Variants in ZMYM2 observed in about 807,000 individuals in gnomAD.
The protein encoded by ZMYM2 is zinc finger MYM-type protein 2.
Under a neutral mutation model 162.8 loss-of-function variants are expected in ZMYM2, and 56 were observed. The observed-to-expected ratio is 0.34, with a 90% CI of 0.28 to 0.43. The LOEUF (loss-of-function observed/expected upper bound fraction) is 0.43. Ranked by LOEUF, ZMYM2 falls within the 20% of genes least tolerant of loss-of-function variation. The probability of loss-of-function intolerance (pLI) is 1.00; values close to 1 mark genes in which losing one functional copy is unlikely to be tolerated. For missense variants in ZMYM2, 1,275 were observed against 1,621.8 expected (o/e 0.79, Z 3.67); for synonymous variants, 510 against 541.6 (o/e 0.94, Z 0.81).
chr13:19,968,361 A>G (rs1433274635), intron 2 of ZMYM2, among the ~76,000 whole-genome samples: 2 of 151,566 alleles, frequency 1.3e-5, no homozygotes, highest in East Asian at 1.9e-4. Flanking sequence ...TCCTGCCTCA[A>G]CCTCCCGAGT....
chr13:20,008,645 A>AT (rs1294519083), intron 6 of ZMYM2, among the ~76,000 whole-genome samples: 3 of 152,104 alleles, frequency 2.0e-5, no homozygotes, highest in Non-Finnish European at 4.4e-5. Context: ...CCAGATAATT[A>AT]TTTTTTCAAA....
the ZMYM2 span, among the ~76,000 whole-genome samples, chr13:19,927,179 G>A: frequency 6.6e-6 from 1 of 151,638 alleles, no homozygotes; most frequent in African/African-American, 2.4e-5. Context: ...TTGATAACAT[G>A]TATTTGTTAT....
Position 20,002,871 on chromosome 13 carries a change from C to T in ZMYM2, c.869C>T (p.Ala290Val), listed in dbSNP as rs1950496356. The change falls in exon 4 of 25, where the codon GCT becomes GTT. Residue 290 changes from alanine (A) to valine (V), a missense_variant. Ala to Val is a moderately conservative substitution (Grantham distance 64, BLOSUM62 0). This residue lies in a region of ZMYM2 where 115 missense variants were observed against 175.3 expected (regional missense o/e 0.66). Coordinates refer to ENST00000610343, the MANE Select transcript of ZMYM2 (RefSeq NM_197968.4). ...TAAGATTCTTGGATCTCCCAGTCAG[C>T]TTCATTTCCCCGTAATCAGAAACAA... ...HNPDSWISQS[A>V]SFPRNQKQPG... 1 of 1,613,698 alleles carries T rather than the reference C, an allele frequency of 6.2e-7. No homozygotes were observed. Among genetic ancestry groups the T allele is most frequent in the African/African-American group, 1.3e-5 (1 of 74,898 alleles).
intron 21 of ZMYM2, among the ~76,000 whole-genome samples, chr13:20,073,053 G>T (rs906430518): frequency 6.6e-6 from 1 of 151,966 alleles, no homozygotes; most frequent in South Asian, 2.1e-4. Context: ...GATTACAGGT[G>T]CCTGCCACCA....
chr13:20,045,742 G>C (rs984198867), intron 12 of ZMYM2, among the ~76,000 whole-genome samples: 6 of 152,000 alleles, frequency 3.9e-5, no homozygotes, highest in Non-Finnish European at 7.4e-5. Flanking sequence ...CTTATTGTTT[G>C]AGACAGAAAT....
At position 20,011,573 on chromosome 13, in the gene ZMYM2, G is replaced by GTTTTTT. The variant is rs764404253; in HGVS notation, c.1512+4991_1512+4992insTTTTTT. On this transcript the variant is annotated intron_variant, in intron 6 of 24. Transcript: ENST00000610343. Reference sequence around the variant, plus strand: ...GATGTGCAGAAGTTTTTATTTTTTTGTTTTATTTTTTTTTTTTTTGAGGGG... The same window carrying GTTTTTT: ...GATGTGCAGAAGTTTTTATTTTTTTGTTTTTTTTTTATTTTTTTTTTTTTTGAGGGG... Among the ~76,000 whole-genome samples the GTTTTTT allele has an allele frequency of 2.9e-3, 419 of 144,138 alleles. 5 individuals carry two copies. The highest frequency in any genetic ancestry group is 7.3e-3 in the Middle Eastern group (2 of 274). The allele number at this position is 144,138 out of a possible 152,430, so 94.6% of individuals were successfully genotyped here. A position where few individuals can be genotyped will look rare whatever the true frequency, so the allele number is the denominator to read the frequency against.
the ZMYM2 span, among the ~76,000 whole-genome samples, chr13:19,878,206 C>T: frequency 1.3e-5 from 2 of 151,994 alleles, no homozygotes; most frequent in Non-Finnish European, 2.9e-5. Flanking sequence ...GCGTGCACCA[C>T]CACACCCAGC....
At chr13:20,048,729 G>T (rs1437763585) in intron 12 of ZMYM2, among the ~76,000 whole-genome samples, 11 of 151,586 alleles carry the variant, frequency 7.3e-5, no homozygotes, top group African/African-American at 2.4e-4. Flanking sequence ...CTGTTTAGCT[G>T]ATAGGTTGGA....
At chr13:20,081,761 G>A (rs2141038674) in intron 21 of ZMYM2, among the ~76,000 whole-genome samples, 1 of 151,908 alleles carries the variant, frequency 6.6e-6, no homozygotes, top group Non-Finnish European at 1.5e-5. Context: ...ACAGACTGAA[G>A]ATTGTCATCC....
At chr13:20,079,145 C>A (rs1957727807) in intron 21 of ZMYM2, among the ~76,000 whole-genome samples, 1 of 150,944 alleles carries the variant, frequency 6.6e-6, no homozygotes, top group Admixed American at 6.6e-5. Flanking sequence ...ATAGTGAAAC[C>A]CCGTCTCTAC....
intron 12 of ZMYM2, among the ~76,000 whole-genome samples, chr13:20,044,650 C>T (rs1379205347): frequency 1.3e-5 from 2 of 152,140 alleles, no homozygotes; most frequent in Non-Finnish European, 2.9e-5. Flanking sequence ...TAAATTTGGA[C>T]TTGTGGGTAG....
intron 18 of ZMYM2, among the ~76,000 whole-genome samples, chr13:20,063,789 T>C (rs993147726): frequency 2.3e-4 from 3 of 13,144 alleles, no homozygotes; most frequent in African/African-American, 3.6e-4. Flanking sequence ...AAAAAATATA[T>C]ATATATAAAA....
At chr13:19,954,118 T>C (rs1954471474), upstream of ZMYM2, among the ~76,000 whole-genome samples, 1 of 129,256 alleles carries the variant, frequency 7.7e-6, no homozygotes, top group East Asian at 2.2e-4. Flanking sequence ...TATTTAGTGC[T>C]ATGTTTAATT....
At chr13:19,950,498 G>A in the ZMYM2 span, among the ~76,000 whole-genome samples, 1 of 152,182 alleles carries the variant, frequency 6.6e-6, no homozygotes, top group Admixed American at 6.5e-5. Context: ...GCCAGTCATA[G>A]GCGGCCAGCT....
chr13:20,046,554 T>TTA (rs531935053), intron 12 of ZMYM2, among the ~76,000 whole-genome samples: 1 of 76,412 alleles, frequency 1.3e-5, no homozygotes, highest in African/African-American at 4.8e-5. Context: ...ACTTTGTCTC[T>TTA]AAAAAAAAAA....
intron 21 of ZMYM2, among the ~76,000 whole-genome samples, chr13:20,075,127 A>G (rs818209): frequency 0.99 from 150,238 of 152,322 alleles, 74,117 homozygotes; most frequent in Middle Eastern, 1. Context: ...GCTGTTTAAT[A>G]TTAGTTCAAG....
At chr13:19,881,814 G>A in the ZMYM2 span, among the ~76,000 whole-genome samples, 1,400 of 150,516 alleles carry the variant, frequency 9.3e-3, 15 homozygotes, top group Non-Finnish European at 0.015. Flanking sequence ...GTGAAACCCC[G>A]TCTCTATTCT....
At chr13:20,000,625 T>C (rs1181276510) in intron 3 of ZMYM2, among the ~76,000 whole-genome samples, 2 of 152,216 alleles carry the variant, frequency 1.3e-5, no homozygotes, top group African/African-American at 4.8e-5. Context: ...TACTGAATAG[T>C]TTAAACTAGT....
intron 6 of ZMYM2, among the ~76,000 whole-genome samples, chr13:20,010,115 G>T (rs1442425557): frequency 1.3e-5 from 2 of 152,056 alleles, no homozygotes; most frequent in Non-Finnish European, 2.9e-5. Context: ...AGATATCTTA[G>T]TGCATGTGCG....
Sources: allele counts gnomAD v4.1 joint callset (sites outside exome capture counted in the v4.1 genomes callset), GRCh38; gene constraint gnomAD v4.1.1; regional missense constraint gnomAD v4.1.1; transcripts MANE v1.5; gene names NCBI Gene and HGNC (gene_info 2026-07-23, HGNC 2026-07-21).